Variants in ZZEF1 observed in about 807,000 individuals in gnomAD.
The protein encoded by ZZEF1 is zinc finger ZZ-type and EF-hand domain-containing protein 1.
In ZZEF1, 157 loss-of-function variants were observed where a neutral mutation model predicts 342.8. The ratio of observed to expected loss-of-function variants is 0.46; its 90% CI spans 0.40 to 0.52. ZZEF1 has a LOEUF of 0.52. Ranked by LOEUF, ZZEF1 falls within the 20% of genes least tolerant of loss-of-function variation. ZZEF1 has a pLI of 0.00. For synonymous variants in ZZEF1, 1,505 were observed against 1,429.1 expected (o/e 1.05, Z -1.20); for missense variants, 3,480 against 3,725.6 (o/e 0.93, Z 1.72).
At chr17:4,062,514 A>G (rs2123845) in intron 30 of ZZEF1, among the ~76,000 whole-genome samples, 9,705 of 152,196 alleles carry the variant, frequency 0.064, 428 homozygotes, top group South Asian at 0.12. Context: ...TGAGGAATGC[A>G]ATTCTCACCA....
At chr17:4,124,275 T>G (rs538672225) in intron 1 of ZZEF1, among the ~76,000 whole-genome samples, 1 of 152,340 alleles carries the variant, frequency 6.6e-6, no homozygotes, top group Non-Finnish European at 1.5e-5. Flanking sequence ...CCAATCTATA[T>G]TCCAAGAGAG....
At chr17:4,043,565 A>G (rs763098188) in intron 38 of ZZEF1, among the ~76,000 whole-genome samples, 8 of 152,114 alleles carry the variant, frequency 5.3e-5, no homozygotes, top group African/African-American at 1.4e-4. Flanking sequence ...ATGCTCCTCA[A>G]TCCTCCTAAG....
In ZZEF1 at chr17:4,097,385, C is replaced by G. The variant is rs144708732; in HGVS notation, c.1673-685G>C. 1.6e-4 allele frequency among the ~76,000 whole-genome samples: 24 copies of G among 149,500 alleles called. No homozygotes were observed. The East Asian group carries it at 4.6e-3, about 29-fold the overall frequency. On this transcript the variant is annotated intron_variant, in intron 9 of 54. Transcript: ENST00000381638. ...CAACCATGGCTGATGGCTGCCTGGG[C>G]TGATAAAGCCTACTGGCTTAGTGGC...
In ZZEF1 at chr17:4,064,341, G is replaced by C. The variant is rs763989722; in HGVS notation, c.4718+20C>G. ...ACGGCTTAAAAAGAGAAAGCGACAG[G>C]AAGGTAACAACGGGCTTACCTCCTG... On this transcript the variant is annotated intron_variant, in intron 29 of 54. Coordinates refer to ENST00000381638, the MANE Select transcript of ZZEF1 (RefSeq NM_015113.4). 1 of 1,546,060 alleles carries C rather than the reference G, an allele frequency of 6.5e-7. No individual in the cohort carries two copies.
intron 52 of ZZEF1, among the ~76,000 whole-genome samples, chr17:4,011,289 G>A (rs2055947077): frequency 6.6e-6 from 1 of 152,084 alleles, no homozygotes; most frequent in African/African-American, 2.4e-5. Context: ...TGTAGTCCCA[G>A]CTACTCAGGA....
intron 39 of ZZEF1, among the ~76,000 whole-genome samples, chr17:4,036,966 C>T (rs914439262): frequency 6.6e-6 from 1 of 151,984 alleles, no homozygotes; most frequent in Non-Finnish European, 1.5e-5. Context: ...ATGAGGTCAC[C>T]TTAGAGAAAT....
rs756526052 is a variant in ZZEF1, at chr17:4,104,720, T to C, written c.1486A>G (p.Ile496Val). The change falls in exon 8 of 55, where the codon ATC becomes GTC. Residue 496 changes from isoleucine (I) to valine (V), a missense_variant. Ile to Val is a conservative substitution (Grantham distance 29). Around this residue, in one of 5 missense-constraint regions of ZZEF1, gnomAD observed 1,528 missense variants for 1,624.1 expected, o/e 0.94. Transcript: ENST00000381638. ...TACTGCGTGTCCAGATGGTCAGTGATGGTGCATAGAGAGCTCATGACTTTG... is the reference window on the plus strand; with the variant it reads ...TACTGCGTGTCCAGATGGTCAGTGACGGTGCATAGAGAGCTCATGACTTTG... ...VAKVMSSLCTITDHLDTQYDA... is the reference protein window; with the variant it reads ...VAKVMSSLCTVTDHLDTQYDA... The C allele has an allele frequency of 1.9e-6, 3 of 1,614,180 alleles. No individual in the cohort carries two copies. Among genetic ancestry groups the C allele is most frequent in the Admixed American group, 3.3e-5 (2 of 60,024 alleles).
In ZZEF1 at chr17:4,009,744, G is replaced by T. The variant is rs758095208; in HGVS notation, c.8593C>A (p.Leu2865Ile). ...TGCCACAGGGGCTTCAACAGCGCAA[G>T]GTCACACAGGTCACTGCAGGAGGAG... ...RCCGHSDLCD[L>I]ALLKPLWQLF... The change falls in exon 53 of 55, where the codon CTT (leucine) becomes ATT (isoleucine). Residue 2865 changes from leucine (L) to isoleucine (I), a missense_variant. Leu to Ile is a conservative substitution (Grantham distance 5). This residue lies in a region of ZZEF1 where 1,269 missense variants were observed against 1,342.4 expected (regional missense o/e 0.95). Coordinates refer to ENST00000381638, the MANE Select transcript of ZZEF1 (RefSeq NM_015113.4). The T allele has an allele frequency of 6.8e-6, 11 of 1,614,048 alleles. No individual in the cohort carries two copies. In the East Asian group the frequency reaches 2.5e-4, roughly 36 times the overall value.
At chr17:4,047,757 A>G (rs946895223) in intron 37 of ZZEF1, among the ~76,000 whole-genome samples, 10 of 151,526 alleles carry the variant, frequency 6.6e-5, no homozygotes, top group African/African-American at 2.2e-4. Context: ...CCTGGCTAAC[A>G]TGGTGAAACC....
At chr17:4,072,478 T>C in intron 25 of ZZEF1, 130 bp downstream of exon 25, 2 of 1,157,696 alleles carry the variant, frequency 1.7e-6, no homozygotes, top group South Asian at 3.9e-5. Flanking sequence ...CAAGGTATAG[T>C]TTCTGGCCTC....
At chr17:4,125,252 C>T (rs35542848) in intron 1 of ZZEF1, among the ~76,000 whole-genome samples, 6,167 of 152,302 alleles carry the variant, frequency 0.04, 183 homozygotes, top group Non-Finnish European at 0.064. Context: ...TCGCTCTCAC[C>T]ATGCAATACT....
At position 4,014,254 on chromosome 17, in the gene ZZEF1, G is replaced by A; in HGVS notation, c.8315-66C>T. The stretch of plus-strand genomic sequence containing the variant: ...AACAGGGAATGGCAGCAGTGGTGTT[G>A]GGTTTCAACATTCTCCAGTAAGTTC... On this transcript the variant is annotated intron_variant, in intron 50 of 54. Coordinates refer to ENST00000381638, the MANE Select transcript of ZZEF1 (RefSeq NM_015113.4). This position sits in a 1 kb window ranked among gnomAD's most constrained non-coding sequence, Gnocchi z 4.4. 2.5e-6 allele frequency: 4 copies of A among 1,609,858 alleles called. No homozygotes were observed. The highest frequency in any genetic ancestry group is 1.7e-6 in the Non-Finnish European group (2 of 1,176,246).
chr17:4,085,327 C>CTA (rs2145352514), intron 16 of ZZEF1, among the ~76,000 whole-genome samples: 1 of 152,170 alleles, frequency 6.6e-6, no homozygotes, highest in Non-Finnish European at 1.5e-5. Flanking sequence ...GGGGCATTCA[C>CTA]TATACTATTT....
At chr17:4,087,640 A>G in intron 13 of ZZEF1, 106 bp from the exon 14 acceptor site, 17 of 956,352 alleles carry the variant, frequency 1.8e-5, no homozygotes, top group Non-Finnish European at 2.6e-5. Flanking sequence ...GTGGCTCTAC[A>G]TGAGTGAGAC....
At position 4,096,458 on chromosome 17, in the gene ZZEF1, G is replaced by A; in HGVS notation, c.1764+151C>T. The A allele has an allele frequency of 6.0e-6, 4 of 661,624 alleles. No homozygotes were observed. The South Asian group carries it at 8.0e-5, about 13-fold the overall frequency. 41.0% of individuals were successfully genotyped at this position (661,624 alleles called of 1,614,324 possible). Reference sequence around the variant, plus strand: ...GACTAAATGCCTGAGGGGATGAATAGCTCATCCTCATCCTCTGTATGATTA... The same window carrying A: ...GACTAAATGCCTGAGGGGATGAATAACTCATCCTCATCCTCTGTATGATTA... On this transcript the variant is annotated intron_variant, in intron 10 of 54. Transcript: ENST00000381638.
intron 52 of ZZEF1, among the ~76,000 whole-genome samples, chr17:4,011,931 C>T (rs145008300): frequency 4.5e-4 from 69 of 152,290 alleles, no homozygotes; most frequent in Admixed American, 9.8e-4. Flanking sequence ...GTGTGGCCTC[C>T]GGGCCAAGCC....
rs1212610479 is a variant in ZZEF1 at position 4,012,753 on chromosome 17, A to G, written c.8579+696T>C. Among the ~76,000 whole-genome samples, 10 of 152,342 alleles carry G rather than the reference A, an allele frequency of 6.6e-5. No individual in the cohort carries two copies. In the South Asian group the frequency reaches 1.0e-3, roughly 16 times the overall value. On this transcript the variant is annotated intron_variant, in intron 52 of 54. Transcript: ENST00000381638. ...ACTGTACACCAAATAATCTGCATAT[A>G]TAGTCTTAGAATGAACAAAGTAAGG...
At chr17:4,108,142 G>A (rs866658751) in intron 6 of ZZEF1, among the ~76,000 whole-genome samples, 1 of 152,132 alleles carries the variant, frequency 6.6e-6, no homozygotes, top group Non-Finnish European at 1.5e-5. Context: ...ATTATGAAGT[G>A]AAAAATATTT....
At chr17:4,087,302 C>T in intron 14 of ZZEF1, 132 bp downstream of exon 14, 2 of 632,926 alleles carry the variant, frequency 3.2e-6, no homozygotes, top group Non-Finnish European at 5.4e-6. Context: ...CAATAATAAC[C>T]ATATATTTTA....
Sources: gnomAD v4.1 joint callset for allele counts (sites outside exome capture counted in the v4.1 genomes callset) on GRCh38, gnomAD v4.1.1 for gene constraint, gnomAD v4.1.1 regional missense constraint, Gnocchi (gnomAD v3.1) non-coding constraint, MANE v1.5 for transcripts, NCBI Gene and HGNC (gene_info 2026-07-23, HGNC 2026-07-21) for gene names.